GALNT14: variants seen among roughly 807,000 people sequenced by gnomAD.
GALNT14 encodes polypeptide N-acetylgalactosaminyltransferase 14, also known as UDP-GalNAc:polypeptide N-acetylgalactosaminyltransferase 14.
A neutral mutation model predicts 77.5 loss-of-function variants in GALNT14; 60 were observed. The ratio of observed to expected loss-of-function variants is 0.77; its 90% CI spans 0.63 to 0.96. The LOEUF is 0.96. Among genes scored for constraint, GALNT14 ranks in the 40% least tolerant of loss-of-function variants. GALNT14 has a pLI of 0.00. For synonymous variants in GALNT14, 280 were observed against 281.7 expected, an observed-to-expected ratio of 0.99 and a Z score of 0.06; for missense variants, 710 against 731.0, an observed-to-expected ratio of 0.97 and a Z score of 0.33.
At chr2:30,983,453 T>C (rs969745903) in intron 2 of GALNT14, among the ~76,000 whole-genome samples, 1 of 152,230 alleles carries the variant, frequency 6.6e-6, no homozygotes, top group African/African-American at 2.4e-5. Context: ...CTACATCTCT[T>C]TCCACATCTC....
chr2:30,976,465 C>A (rs1023763926), intron 2 of GALNT14, among the ~76,000 whole-genome samples: 1 of 152,016 alleles, frequency 6.6e-6, no homozygotes, highest in Non-Finnish European at 1.5e-5. Context: ...TGGTGGAAAC[C>A]CTGGGGGAAG....
Position 30,973,437 on chromosome 2 carries a change from C to T in GALNT14, c.300-7135G>A, listed in dbSNP as rs940631753. On this transcript the variant is annotated intron_variant, in intron 2 of 14. Transcript: ENST00000349752. Reference sequence around the variant, plus strand: ...CCAGAACGTCAGTTATCTCAGCACTCAGGGCAGTGATCTTGCTACTGGCTT... The same window carrying T: ...CCAGAACGTCAGTTATCTCAGCACTTAGGGCAGTGATCTTGCTACTGGCTT... Among the ~76,000 whole-genome samples, 13 of 152,332 alleles carry T rather than the reference C, an allele frequency of 8.5e-5. No homozygotes were observed. The East Asian group carries it at 2.1e-3, about 25-fold the overall frequency.
At chr2:30,979,265 T>C (rs1668836315) in intron 2 of GALNT14, among the ~76,000 whole-genome samples, 1 of 152,104 alleles carries the variant, frequency 6.6e-6, no homozygotes, top group Non-Finnish European at 1.5e-5. Flanking sequence ...GCAAGAGATA[T>C]CTCAGAGGAG....
Position 30,966,242 on chromosome 2 carries a change from G to T in GALNT14, c.360C>A (p.His120Gln), listed in dbSNP as rs1667995683. 1 of 1,614,100 alleles carries T rather than the reference G, an allele frequency of 6.2e-7. No individual in the cohort carries two copies. Residue 120 changes from histidine to glutamine, a missense_variant, in exon 3 of 15, where the codon CAC becomes CAA. Transcript: ENST00000349752. ...LPPTSIIITFHNEARSTLLRT... is the reference protein window; with the variant it reads ...LPPTSIIITFQNEARSTLLRT... ...TGAGCAGCGTGGAGCGGGCCTCGTT[G>T]TGGAAGGTGATGATGATGCTAGTGG...
chr2:30,983,987 GC>G (rs1201755828), intron 2 of GALNT14, among the ~76,000 whole-genome samples: 1 of 152,172 alleles, frequency 6.6e-6, no homozygotes, highest in Non-Finnish European at 1.5e-5. Context: ...ACCTCTCTGA[GC>G]CCGGGTCCCC....
Position 30,924,268 on chromosome 2 carries a change from A to T in GALNT14, c.1236-5T>A. 1 of 1,614,034 alleles carries T rather than the reference A, an allele frequency of 6.2e-7. No homozygotes were observed. The highest frequency in any genetic ancestry group is 8.5e-7 in the Non-Finnish European group (1 of 1,179,930). ...ATGGAGGACTCCTTGGGGATGCTGG[A>T]GGAGAGTCACAGGGAGAGAGGAGAG... On this transcript the variant is annotated splice_region_variant and splice_polypyrimidine_tract_variant and intron_variant, in intron 12 of 14. Coordinates refer to ENST00000349752, the MANE Select transcript of GALNT14 (RefSeq NM_024572.4).
chr2:30,930,783 C>G (rs550036951), intron 10 of GALNT14, among the ~76,000 whole-genome samples: 77 of 152,362 alleles, frequency 5.1e-4, no homozygotes, highest in Non-Finnish European at 9.8e-4. Flanking sequence ...GCACTGGAGG[C>G]AGTTAACAGT....
At chr2:31,042,346 C>T (rs1673152369) in intron 1 of GALNT14, among the ~76,000 whole-genome samples, 1 of 151,990 alleles carries the variant, frequency 6.6e-6, no homozygotes, top group Admixed American at 6.5e-5. Context: ...ACTGGGAGAC[C>T]TGAGCCAGGT....
At chr2:31,112,711 T>G (rs190763703) in intron 1 of GALNT14, among the ~76,000 whole-genome samples, 1 of 152,176 alleles carries the variant, frequency 6.6e-6, no homozygotes, top group Non-Finnish European at 1.5e-5. Context: ...TCCACTATCA[T>G]TGTCATGGGC....
chr2:31,110,680 G>T (rs2148624906), intron 1 of GALNT14, among the ~76,000 whole-genome samples: 1 of 152,246 alleles, frequency 6.6e-6, no homozygotes, highest in Middle Eastern at 3.4e-3. Context: ...AGCCATGCCT[G>T]CCCTGTAGCA....
chr2:31,097,391 A>T (rs113753908), intron 1 of GALNT14, among the ~76,000 whole-genome samples: 1 of 151,782 alleles, frequency 6.6e-6, no homozygotes, highest in Non-Finnish European at 1.5e-5. Context: ...TGCACTCTCC[A>T]CTCCAAGGGC....
intron 1 of GALNT14, among the ~76,000 whole-genome samples, chr2:31,083,189 G>A (rs1862978): frequency 1.3e-5 from 2 of 152,058 alleles, no homozygotes; most frequent in South Asian, 4.1e-4. Flanking sequence ...TGGTTGACAA[G>A]TCTGTCCCTG....
At chr2:30,910,009 ATG>A (rs1480836106), downstream of GALNT14, among the ~76,000 whole-genome samples, 1 of 140,902 alleles carries the variant, frequency 7.1e-6, no homozygotes, top group African/African-American at 2.7e-5. Context: ...GAATTAAACA[ATG>A]AGATCACATG....
chr2:31,103,490 A>AACACACACACAC (rs58852483), intron 1 of GALNT14, among the ~76,000 whole-genome samples: 1,973 of 149,946 alleles, frequency 0.013, 112 homozygotes, highest in Admixed American at 0.11. Context: ...AGAAGAAGGA[A>AACACACACACAC]ACACACACAC....
At chr2:30,964,425 T>C (rs562832493) in intron 3 of GALNT14, among the ~76,000 whole-genome samples, 9 of 152,318 alleles carry the variant, frequency 5.9e-5, no homozygotes, top group African/African-American at 1.9e-4. Flanking sequence ...CCCAGGAGAA[T>C]TGGGCCTCCT....
Position 30,945,982 on chromosome 2 carries a change from T to C in GALNT14, c.655-112A>G, listed in dbSNP as rs1159880542. 4.7e-5 allele frequency: 37 copies of C among 786,968 alleles called. No homozygotes were observed. The Admixed American group carries it at 5.0e-4, about 11-fold the overall frequency. 48.7% of individuals were successfully genotyped at this position (786,968 alleles called of 1,614,324 possible). On this transcript the variant is annotated intron_variant, in intron 6 of 14. Coordinates refer to ENST00000349752, the MANE Select transcript of GALNT14 (RefSeq NM_024572.4). Reference sequence around the variant, plus strand: ...CCAGAGATGAGTTTTGTGGCCTTCATAGAGCCCTTTCATCTCTGGATCTTA... The same window carrying C: ...CCAGAGATGAGTTTTGTGGCCTTCACAGAGCCCTTTCATCTCTGGATCTTA...
At chr2:31,037,536 T>C (rs1025694338) in intron 1 of GALNT14, among the ~76,000 whole-genome samples, 1 of 152,254 alleles carries the variant, frequency 6.6e-6, no homozygotes, top group Non-Finnish European at 1.5e-5. Flanking sequence ...CCCCTCTTTG[T>C]AGAAGTCATG....
chr2:30,984,704 C>T (rs1340239919), intron 2 of GALNT14, among the ~76,000 whole-genome samples: 1 of 152,190 alleles, frequency 6.6e-6, no homozygotes, highest in East Asian at 1.9e-4. Context: ...CTGGTAAAAT[C>T]CTACGTGCCC....
intron 1 of GALNT14, among the ~76,000 whole-genome samples, chr2:31,007,768 G>A (rs1461870948): frequency 6.6e-6 from 1 of 152,110 alleles, no homozygotes; most frequent in Non-Finnish European, 1.5e-5. Flanking sequence ...TAAGTTATCC[G>A]TTTCCTTAGT....
Sources: allele counts gnomAD v4.1 joint callset (sites outside exome capture counted in the v4.1 genomes callset), GRCh38; gene constraint gnomAD v4.1.1; transcripts MANE v1.5; gene names NCBI Gene and HGNC (gene_info 2026-07-23, HGNC 2026-07-21).